The following SLC8A1 variants were observed in gnomAD, a reference collection of about 807,000 sequenced individuals.
SLC8A1 encodes solute carrier family 8 member A1, also known as sodium/calcium exchanger 1.
In SLC8A1, 18 loss-of-function variants were observed where a neutral mutation model predicts 68.3. That is an observed-to-expected ratio of 0.26 (90% CI 0.18 to 0.39). SLC8A1 has a LOEUF of 0.39. Ranked by LOEUF, SLC8A1 falls within the 10% of genes least tolerant of loss-of-function variation. SLC8A1 has a pLI of 1.00. For missense variants in SLC8A1, 985 were observed against 1,156.7 expected (o/e 0.85, Z 2.15); for synonymous variants, 475 against 415.5 (o/e 1.14, Z -1.74).
At chr2:40,273,420 A>G (rs2066301142) in intron 2 of SLC8A1, among the ~76,000 whole-genome samples, 1 of 152,154 alleles carries the variant, frequency 6.6e-6, no homozygotes, top group South Asian at 2.1e-4. Flanking sequence ...ACTTTAATAA[A>G]CTAAGAAGTC....
intron 2 of SLC8A1, among the ~76,000 whole-genome samples, chr2:40,401,052 C>G (rs1449460950): frequency 6.6e-6 from 1 of 152,204 alleles, no homozygotes; most frequent in Non-Finnish European, 1.5e-5. Flanking sequence ...CAGACACCAT[C>G]ATAGGTCACT....
chr2:40,273,168 C>G (rs1216653880), intron 2 of SLC8A1, among the ~76,000 whole-genome samples: 1 of 152,108 alleles, frequency 6.6e-6, no homozygotes, highest in Non-Finnish European at 1.5e-5. Context: ...GTCTCGAACT[C>G]CTGACCTCAT....
chr2:40,234,856 A>C (rs377484108), intron 2 of SLC8A1, among the ~76,000 whole-genome samples: 19,657 of 152,068 alleles, frequency 0.13, 1,354 homozygotes, highest in Non-Finnish European at 0.14. Context: ...TATTGAGATA[A>C]TCATGTGGTT....
intron 2 of SLC8A1, among the ~76,000 whole-genome samples, chr2:40,418,013 C>A (rs1208287016): frequency 1.3e-5 from 2 of 151,942 alleles, no homozygotes; most frequent in African/African-American, 2.4e-5. Context: ...GAATTAATAA[C>A]CAAATAATCA....
At chr2:40,491,640 C>T (rs4952417) in intron 1 of SLC8A1, among the ~76,000 whole-genome samples, 22,293 of 151,640 alleles carry the variant, frequency 0.15, 2,444 homozygotes, top group East Asian at 0.39. Context: ...ATAGCTCTTA[C>T]TGAGATACGT....
At chr2:40,408,796 C>T (rs1256198918) in intron 2 of SLC8A1, among the ~76,000 whole-genome samples, 3 of 152,226 alleles carry the variant, frequency 2.0e-5, no homozygotes, top group East Asian at 1.9e-4. Flanking sequence ...TTTATTATCC[C>T]TTGCACTTGA....
At chr2:40,336,570 A>G (rs925709064) in intron 2 of SLC8A1, among the ~76,000 whole-genome samples, 1 of 152,150 alleles carries the variant, frequency 6.6e-6, no homozygotes, top group African/African-American at 2.4e-5. Context: ...TAGGGAAGTT[A>G]TCTAAACTGA....
At position 40,418,639 on chromosome 2, in the gene SLC8A1, C is replaced by T. The variant is rs75493820; in HGVS notation, c.1808+9834G>A. ...AGAGAAAGGACTCAAGTGTGAGTAACACATGCTTCCCCTAGTAATGCACAG... is the reference window on the plus strand; with the variant it reads ...AGAGAAAGGACTCAAGTGTGAGTAATACATGCTTCCCCTAGTAATGCACAG... On this transcript the variant is annotated intron_variant, in intron 2 of 7. Transcript: ENST00000406785. 4.9e-3 allele frequency among the ~76,000 whole-genome samples: 747 copies of T among 152,310 alleles called. 25 individuals carry two copies. The East Asian group carries it at 0.071, about 14-fold the overall frequency.
chr2:40,131,016 G>T (rs1017264093), intron 7 of SLC8A1, among the ~76,000 whole-genome samples: 1 of 102,442 alleles, frequency 9.8e-6, no homozygotes, highest in Non-Finnish European at 2.1e-5. Flanking sequence ...GTTTATCAGT[G>T]CATTGAAATA....
At chr2:40,201,591 G>T (rs2148712537) in intron 2 of SLC8A1, among the ~76,000 whole-genome samples, 1 of 152,008 alleles carries the variant, frequency 6.6e-6, no homozygotes, top group Admixed American at 6.6e-5. Flanking sequence ...CTTTGCCTTT[G>T]TAAGTACACA....
chr2:40,354,247 T>C (rs919249233), intron 2 of SLC8A1, among the ~76,000 whole-genome samples: 2 of 152,142 alleles, frequency 1.3e-5, no homozygotes, highest in African/African-American at 2.4e-5. Context: ...GAAAGAGAAA[T>C]TGTTTCTTAG....
At chr2:40,166,935 A>G (rs992945689) in intron 4 of SLC8A1, among the ~76,000 whole-genome samples, 3 of 152,228 alleles carry the variant, frequency 2.0e-5, no homozygotes, top group Admixed American at 6.5e-5. Flanking sequence ...GGGGGAGAAT[A>G]TTTATTATGG....
At chr2:40,397,513 G>C (rs79220428) in intron 2 of SLC8A1, among the ~76,000 whole-genome samples, 3,500 of 152,256 alleles carry the variant, frequency 0.023, 58 homozygotes, top group Non-Finnish European at 0.035. Flanking sequence ...TCAACTGATT[G>C]TGGGTGTGAA....
At chr2:40,134,610 A>G (rs1184572368) in intron 7 of SLC8A1, among the ~76,000 whole-genome samples, 2 of 152,194 alleles carry the variant, frequency 1.3e-5, no homozygotes, top group African/African-American at 4.8e-5. Context: ...GATATGTCCT[A>G]TTCAAGAATA....
At chr2:40,344,029 G>A (rs375761582) in intron 2 of SLC8A1, among the ~76,000 whole-genome samples, 7 of 152,262 alleles carry the variant, frequency 4.6e-5, no homozygotes, top group Middle Eastern at 3.4e-3. Flanking sequence ...GAGTGTGTAC[G>A]ATGGCAATAT....
chr2:40,271,887 G>T (rs1198695448), intron 2 of SLC8A1, among the ~76,000 whole-genome samples: 1 of 151,712 alleles, frequency 6.6e-6, no homozygotes, highest in Non-Finnish European at 1.5e-5. Flanking sequence ...TTTTTTTAGA[G>T]TCAGGGTCTC....
At chr2:40,170,794 T>C (rs1011661539) in intron 4 of SLC8A1, among the ~76,000 whole-genome samples, 4 of 152,176 alleles carry the variant, frequency 2.6e-5, no homozygotes, top group African/African-American at 9.7e-5. Context: ...ATTATAGAAA[T>C]AGTGTACTAG....
intron 1 of SLC8A1, among the ~76,000 whole-genome samples, chr2:40,503,265 C>T (rs182243588): frequency 1.3e-5 from 2 of 152,186 alleles, no homozygotes; most frequent in East Asian, 3.9e-4. Context: ...CCTCAACCCA[C>T]ATCTCTACTG....
chr2:40,251,136 A>G (rs967841791), intron 2 of SLC8A1: 1 of 152,002 alleles, frequency 6.6e-6, no homozygotes, highest in African/African-American at 2.4e-5. Flanking sequence ...CGAAAATACT[A>G]AAATACTAAG....
Sources: gnomAD v4.1 joint callset for allele counts (sites outside exome capture counted in the v4.1 genomes callset) on GRCh38, gnomAD v4.1.1 for gene constraint, MANE v1.5 for transcripts, NCBI Gene and HGNC (gene_info 2026-07-23, HGNC 2026-07-21) for gene names.